Variants in FNDC3B observed in about 807,000 individuals in gnomAD.
FNDC3B encodes the protein fibronectin type III domain containing 3B, also known as fibronectin type III domain-containing protein 3B.
In FNDC3B, 12 loss-of-function variants were observed where a neutral mutation model predicts 151.5. That is an observed-to-expected ratio of 0.08 (90% CI 0.05 to 0.13). FNDC3B has a LOEUF of 0.13. Ranked by LOEUF, FNDC3B falls within the 10% of genes least tolerant of loss-of-function variation. The pLI, the probability that FNDC3B is intolerant of heterozygous loss-of-function variation, is 1.00. For missense variants in FNDC3B, 1,214 were observed against 1,505.3 expected (o/e 0.81, Z 3.20); for synonymous variants, 528 against 549.0 (o/e 0.96, Z 0.54).
At chr3:172,230,275 T>A (rs1296796031) in intron 4 of FNDC3B, among the ~76,000 whole-genome samples, 2 of 151,812 alleles carry the variant, frequency 1.3e-5, no homozygotes, top group Non-Finnish European at 2.9e-5. Flanking sequence ...GGTGGATCAT[T>A]TGAGGTCTGA....
intron 6 of FNDC3B, among the ~76,000 whole-genome samples, chr3:172,282,927 G>A (rs1729815980): frequency 1.3e-5 from 2 of 152,206 alleles, no homozygotes; most frequent in Admixed American, 1.3e-4. Flanking sequence ...GACACCTATG[G>A]GTGGTGTGCC....
In FNDC3B at chr3:172,377,311, G is replaced by A. The variant is rs559718798; in HGVS notation, c.3009-959G>A. On this transcript the variant is annotated intron_variant, in intron 23 of 25. Coordinates refer to ENST00000415807, the MANE Select transcript of FNDC3B (RefSeq NM_022763.4). ...ATTAACTTATGTAGTGGTTCTCAGC[G>A]TGTCCACTGGACCAGCAGGATTCAA... is the stretch of plus-strand genomic sequence containing the variant. Among the ~76,000 whole-genome samples, 8 of 152,302 alleles carry A rather than the reference G, an allele frequency of 5.3e-5. No individual in the cohort carries two copies. The South Asian group carries it at 6.2e-4, about 12-fold the overall frequency.
At chr3:172,195,894 A>G (rs1724797509) in intron 3 of FNDC3B, among the ~76,000 whole-genome samples, 2 of 152,232 alleles carry the variant, frequency 1.3e-5, no homozygotes, top group African/African-American at 4.8e-5. Flanking sequence ...ACTAATCCTC[A>G]GTTTCCTCAA....
intron 1 of FNDC3B, among the ~76,000 whole-genome samples, chr3:172,066,214 G>A (rs1717489395): frequency 6.6e-6 from 1 of 152,172 alleles, no homozygotes; most frequent in African/African-American, 2.4e-5. Context: ...TAATGATGAC[G>A]TTTGGGTGTT....
chr3:172,092,462 T>C (rs937605171), intron 1 of FNDC3B, among the ~76,000 whole-genome samples: 1 of 152,232 alleles, frequency 6.6e-6, no homozygotes, highest in Non-Finnish European at 1.5e-5. Context: ...ATGTAAAACG[T>C]GGACTGAATG....
At chr3:172,051,083 CTT>C (rs550247058) in intron 1 of FNDC3B, among the ~76,000 whole-genome samples, 36 of 137,700 alleles carry the variant, frequency 2.6e-4, no homozygotes, top group Non-Finnish European at 3.0e-4. Context: ...TTTCTTTCTT[CTT>C]TTTTTTTTTT....
intron 12 of FNDC3B, 199 bp from the exon 13 acceptor site, chr3:172,330,342 C>A: frequency 2.0e-6 from 1 of 495,682 alleles, no homozygotes; most frequent in Non-Finnish European, 3.6e-6. Flanking sequence ...GTGTGTGTGT[C>A]TAGTAGAAGA....
At chr3:172,184,204 T>G (rs2108658249) in intron 3 of FNDC3B, 1 of 152,370 alleles carries the variant, frequency 6.6e-6, no homozygotes, top group Middle Eastern at 3.4e-3. Flanking sequence ...CTCTGCGCTC[T>G]GCTGCTTCTT....
chr3:172,095,743 A>G (rs1719060004), intron 1 of FNDC3B, among the ~76,000 whole-genome samples: 1 of 152,242 alleles, frequency 6.6e-6, no homozygotes, highest in African/African-American at 2.4e-5. Flanking sequence ...TATCAAAATC[A>G]CTATGAACAC....
intron 3 of FNDC3B, among the ~76,000 whole-genome samples, chr3:172,140,476 C>G (rs758998792): frequency 6.6e-6 from 1 of 152,176 alleles, no homozygotes; most frequent in Non-Finnish European, 1.5e-5. Context: ...TTAGCAATTC[C>G]TCTCAACATG....
At chr3:172,086,533 T>C (rs993535458) in intron 1 of FNDC3B, among the ~76,000 whole-genome samples, 4 of 152,200 alleles carry the variant, frequency 2.6e-5, no homozygotes, top group Admixed American at 1.3e-4. Flanking sequence ...GACTCATGAA[T>C]TGCCTATTTG....
chr3:172,122,282 CTT>C (rs58869685), intron 2 of FNDC3B, among the ~76,000 whole-genome samples: 12 of 150,542 alleles, frequency 8.0e-5, no homozygotes, highest in South Asian at 4.2e-4. Context: ...CATTCTCGTT[CTT>C]TTTTTTTTTC....
chr3:172,317,377 G>T (rs1731854496), intron 11 of FNDC3B: 2 of 277,716 alleles, frequency 7.2e-6, no homozygotes, highest in South Asian at 5.7e-5. Flanking sequence ...ATAGAGACGG[G>T]GTTTCACCAT....
chr3:172,398,586 G>T lies in FNDC3B; in HGVS notation c.*1111G>T, dbSNP rs1402814885. 6.6e-6 allele frequency: 1 copy of T among 152,146 alleles called. No homozygotes were observed. The highest frequency in any genetic ancestry group is 1.5e-5 in the Non-Finnish European group (1 of 68,024). The allele number at this position is 152,146 out of a possible 1,614,324, so 9.4% of individuals were successfully genotyped here. On this transcript the variant is annotated 3_prime_UTR_variant, in exon 26 of 26. Coordinates refer to ENST00000415807, the MANE Select transcript of FNDC3B (RefSeq NM_022763.4). The stretch of plus-strand genomic sequence containing the variant: ...CTAAATTTGTAGTTCCTATTTCTGT[G>T]GGTTTGCCTGGCCATGGTTGGAGAG...
chr3:172,289,970 C>T (rs1730238203), intron 7 of FNDC3B, among the ~76,000 whole-genome samples: 1 of 152,092 alleles, frequency 6.6e-6, no homozygotes, highest in Non-Finnish European at 1.5e-5. Flanking sequence ...ACTTGGAATG[C>T]AGTATTTATA....
intron 1 of FNDC3B, among the ~76,000 whole-genome samples, chr3:172,049,051 A>C (rs781005537): frequency 2.2e-4 from 33 of 152,242 alleles, no homozygotes; most frequent in Non-Finnish European, 3.7e-4. Context: ...ATGGTTGTAC[A>C]ACATTATGAA....
Position 172,374,788 on chromosome 3 carries a change from G to A in FNDC3B, c.3009-3482G>A, listed in dbSNP as rs550535334. ...TGTACAGATGAGAAAACTGAGGCAC[G>A]AAGAGGCTAAACTACTTGCTGGTGT... On this transcript the variant is annotated intron_variant, in intron 23 of 25. Coordinates refer to ENST00000415807, the MANE Select transcript of FNDC3B (RefSeq NM_022763.4). Among the ~76,000 whole-genome samples, 50 of 152,278 alleles carry A rather than the reference G, an allele frequency of 3.3e-4. No homozygotes were observed. In the South Asian group the frequency reaches 9.1e-3, roughly 28 times the overall value.
intron 3 of FNDC3B, among the ~76,000 whole-genome samples, chr3:172,212,138 A>G (rs991757777): frequency 6.6e-6 from 1 of 152,220 alleles, no homozygotes; most frequent in African/African-American, 2.4e-5. Flanking sequence ...TTGCTTTATT[A>G]TGACTAAAGC....
At chr3:172,258,830 A>G (rs1311599826) in intron 6 of FNDC3B, among the ~76,000 whole-genome samples, 1 of 152,186 alleles carries the variant, frequency 6.6e-6, no homozygotes, top group Non-Finnish European at 1.5e-5. Context: ...TTTCTGATTA[A>G]AGTAGGATAT....
Sources: allele counts gnomAD v4.1 joint callset (sites outside exome capture counted in the v4.1 genomes callset), GRCh38; gene constraint gnomAD v4.1.1; transcripts MANE v1.5; gene names NCBI Gene and HGNC (gene_info 2026-07-23, HGNC 2026-07-21).